The following MROH9 variants were observed in gnomAD, a reference collection of about 807,000 sequenced individuals.
The protein encoded by MROH9 is maestro heat like repeat family member 9, also known as maestro heat-like repeat-containing protein family member 9.
In MROH9, 92 loss-of-function variants were observed where a neutral mutation model predicts 98.2. The observed-to-expected ratio is 0.94, with a 90% CI of 0.79 to 1.11. The LOEUF (loss-of-function observed/expected upper bound fraction) is 1.11, where lower values mean the gene tolerates loss of function less well. MROH9 is among the 50% of genes most tolerant of loss of function. The pLI is 0.00. For missense variants in MROH9, 1,057 were observed against 1,014.8 expected (o/e 1.04, Z -0.57); for synonymous variants, 397 against 368.9 (o/e 1.08, Z -0.87).
chr1:170,977,927 G>C (rs1650777691), intron 8 of MROH9, among the ~76,000 whole-genome samples: 1 of 152,152 alleles, frequency 6.6e-6, no homozygotes, highest in Non-Finnish European at 1.5e-5. Flanking sequence ...TGATGAGCAG[G>C]GAACATGAGT....
intron 21 of MROH9, 76 bp downstream of exon 21, chr1:171,062,270 T>C (rs1476982312): frequency 9.4e-7 from 1 of 1,066,856 alleles, no homozygotes; most frequent in Non-Finnish European, 1.4e-6. Flanking sequence ...TAGTCACATA[T>C]GAGTTCTGTT....
In MROH9 at chr1:171,047,203, T is replaced by C. The variant is rs144444270; in HGVS notation, c.2282-14929T>C. Among the ~76,000 whole-genome samples the C allele has an allele frequency of 3.7e-3, 570 of 152,318 alleles. 2 individuals carry two copies. Among genetic ancestry groups the C allele is most frequent in the African/African-American group, 0.013 (545 of 41,562 alleles). On this transcript the variant is annotated intron_variant, in intron 20 of 21. Transcript: ENST00000367759. ...CAACCTTTTTGTACTTGGATATAGATATCTTTCCGTAGATTTGGGAAGATT... is the reference window on the plus strand; with the variant it reads ...CAACCTTTTTGTACTTGGATATAGACATCTTTCCGTAGATTTGGGAAGATT...
rs1318961360 is a variant in MROH9, at chr1:170,961,873, A to G, written c.289-17A>G. The G allele has an allele frequency of 3.0e-6, 4 of 1,321,442 alleles. No individual in the cohort carries two copies. In the African/African-American group the frequency reaches 6.2e-5, roughly 20 times the overall value. 81.9% of individuals were successfully genotyped at this position (1,321,442 alleles called of 1,614,324 possible). A position where few individuals can be genotyped will look rare whatever the true frequency, so the allele number is the denominator to read the frequency against. ...TTATCTAAGTCTGGCTGACTGTGCA[A>G]TGTTTTTGTGTTTCAGAATTTATAC... On this transcript the variant is annotated splice_polypyrimidine_tract_variant and intron_variant, in intron 5 of 21. Coordinates refer to ENST00000367759, the MANE Select transcript of MROH9 (RefSeq NM_001163629.2).
At chr1:171,006,674 C>CTTT (rs60676361) in intron 15 of MROH9, among the ~76,000 whole-genome samples, 11 of 138,222 alleles carry the variant, frequency 8.0e-5, no homozygotes, top group African/African-American at 1.6e-4. Context: ...ATATCTTTTT[C>CTTT]TTTTTTTTTT....
rs959275202 is a variant in MROH9, at chr1:170,998,729, T to C, written c.1596+455T>C. 3.0e-6 allele frequency: 3 copies of C among 1,001,968 alleles called. No homozygotes were observed. In the African/African-American group the frequency reaches 5.2e-5, roughly 17 times the overall value. 62.1% of individuals were successfully genotyped at this position (1,001,968 alleles called of 1,614,324 possible). On this transcript the variant is annotated intron_variant, in intron 15 of 21. Transcript: ENST00000367759. The stretch of plus-strand genomic sequence containing the variant: ...TACTTTGTATATCAATATTGTGCCA[T>C]GTATTGTAATACTATAATGGAATCA...
chr1:171,034,492 C>T (rs1302969129), intron 20 of MROH9, among the ~76,000 whole-genome samples: 1 of 152,170 alleles, frequency 6.6e-6, no homozygotes. Context: ...AGCTCCCTTG[C>T]CAGCTTGCTT....
rs562311790 is a variant in MROH9, at chr1:171,006,155, T to C, written c.1596+7881T>C. ...CTCAGCTTTTGTTTGTTTGGGGATG[T>C]CTTTATCTCTACTTAATTCTCAAGG... On this transcript the variant is annotated intron_variant, in intron 15 of 21. Transcript: ENST00000367759. 9.8e-5 allele frequency among the ~76,000 whole-genome samples: 15 copies of C among 152,328 alleles called. 1 individual carries two copies. In the South Asian group the frequency reaches 2.7e-3, roughly 27 times the overall value.
At chr1:171,052,224 T>G (rs73040294) in intron 20 of MROH9, among the ~76,000 whole-genome samples, 1,851 of 152,328 alleles carry the variant, frequency 0.012, 37 homozygotes, top group African/African-American at 0.043. Flanking sequence ...TCCTGCGGAA[T>G]CAGTTGTTTG....
chr1:171,042,967 G>A (rs1188970937), intron 20 of MROH9, among the ~76,000 whole-genome samples: 1 of 151,938 alleles, frequency 6.6e-6, no homozygotes, highest in Non-Finnish European at 1.5e-5. Context: ...TGCTTCCTTT[G>A]CTGTCCAGAT....
chr1:170,962,663 A>G (rs568465697), intron 6 of MROH9, among the ~76,000 whole-genome samples: 12 of 152,298 alleles, frequency 7.9e-5, no homozygotes, highest in African/African-American at 2.4e-4. Context: ...ATTGGTATTT[A>G]TGAATACAAA....
intron 20 of MROH9, among the ~76,000 whole-genome samples, chr1:171,045,923 C>G (rs1447897098): frequency 6.6e-6 from 1 of 152,016 alleles, no homozygotes; most frequent in East Asian, 1.9e-4. Context: ...ATATTGAAGC[C>G]CATCTCTCTC....
At chr1:170,949,969 A>G (rs774670945) in intron 3 of MROH9, among the ~76,000 whole-genome samples, 19 of 152,068 alleles carry the variant, frequency 1.2e-4, no homozygotes, top group Admixed American at 6.6e-5. Flanking sequence ...TAAAACTTAT[A>G]TAGTACCCAT....
chr1:170,972,406 AG>A (rs1423493343), intron 8 of MROH9, among the ~76,000 whole-genome samples: 1 of 152,222 alleles, frequency 6.6e-6, no homozygotes, highest in Non-Finnish European at 1.5e-5. Context: ...TATATTTGTA[AG>A]GGGTGGAGCC....
chr1:171,064,103 T>A lies in MROH9; in HGVS notation c.2349T>A (p.Ile783=), dbSNP rs1308402548. ...AAGTCTCTTCTGATATTACAGTTAT[T>A]GAACGACTGCTCCGAGATGAAGACC... is the stretch of plus-strand genomic sequence containing the variant. The part of the protein sequence containing the change: ...RDEIEVMLDV[I]ERLLRDEDPM... Residue 783 remains isoleucine, a synonymous_variant, in exon 22 of 22, where the codon ATT becomes ATA. Transcript: ENST00000367759. 25 of 1,534,970 alleles carry A rather than the reference T, an allele frequency of 1.6e-5. No homozygotes were observed. The East Asian group carries it at 6.1e-4, about 38-fold the overall frequency.
Position 171,024,531 on chromosome 1 carries a change from A to T in MROH9, c.2045A>T (p.Asp682Val). The T allele has an allele frequency of 6.5e-7, 1 of 1,533,468 alleles. No individual in the cohort carries two copies. The highest frequency in any genetic ancestry group is 8.8e-7 in the Non-Finnish European group (1 of 1,140,070). 95.0% of individuals were successfully genotyped at this position (1,533,468 alleles called of 1,614,324 possible). Reference protein sequence around the residue: ...VPLILFLEDDDKRVAEACKYT... With the variant: ...VPLILFLEDDVKRVAEACKYT... ...CTAATCCTATTTTTGGAGGATGATG[A>T]TAAAAGAGTAGCTGAAGTAAGTCAT... The change falls in exon 18 of 22, where the codon GAT (aspartate) becomes GTT (valine). Residue 682 changes from aspartate to valine, a missense_variant. Physicochemically the swap from Asp to Val is radical, Grantham distance 152 (BLOSUM62 -3). Transcript: ENST00000367759.
At chr1:171,006,215 G>GTTT (rs1651946754) in intron 15 of MROH9, among the ~76,000 whole-genome samples, 1 of 145,012 alleles carries the variant, frequency 6.9e-6, no homozygotes, top group Admixed American at 6.9e-5. Context: ...TTGGTTGTCA[G>GTTT]GTTTTTTTTC....
chr1:170,962,368 G>A (rs879835771), intron 6 of MROH9, among the ~76,000 whole-genome samples: 2 of 152,138 alleles, frequency 1.3e-5, no homozygotes, highest in Non-Finnish European at 2.9e-5. Flanking sequence ...AGGTGCTAAA[G>A]AAAATGCTGA....
At chr1:171,013,530 AG>A (rs1319951616) in intron 15 of MROH9, among the ~76,000 whole-genome samples, 3 of 152,098 alleles carry the variant, frequency 2.0e-5, no homozygotes, top group Non-Finnish European at 4.4e-5. Context: ...GGTGCCAAAA[AG>A]TTTGGGGACT....
intron 8 of MROH9, among the ~76,000 whole-genome samples, chr1:170,974,015 A>G (rs927087767): frequency 7.2e-5 from 11 of 152,372 alleles, no homozygotes; most frequent in Admixed American, 6.5e-4. Context: ...GGTAAAAATT[A>G]CAATATCTGA....
Sources: gnomAD v4.1 joint callset for allele counts (sites outside exome capture counted in the v4.1 genomes callset) on GRCh38, gnomAD v4.1.1 for gene constraint, MANE v1.5 for transcripts, NCBI Gene and HGNC (gene_info 2026-07-23, HGNC 2026-07-21) for gene names.